Variants in FLVCR1 observed in about 807,000 individuals in gnomAD.
FLVCR1 encodes the protein FLVCR choline and heme transporter 1.
A neutral mutation model predicts 53.6 loss-of-function variants in FLVCR1; 34 were observed. The observed-to-expected ratio is 0.63, with a 90% CI of 0.48 to 0.84. The LOEUF (loss-of-function observed/expected upper bound fraction) is 0.84. Among genes scored for constraint, FLVCR1 ranks in the 40% least tolerant of loss-of-function variants. FLVCR1 has a pLI of 0.00. For missense variants in FLVCR1, 677 were observed against 696.7 expected, an observed-to-expected ratio of 0.97 and a Z score of 0.32; for synonymous variants, 300 against 286.3, an observed-to-expected ratio of 1.05 and a Z score of -0.48.
Position 212,858,452 on chromosome 1 carries a change from T to A in FLVCR1, c.-1T>A. 1.4e-6 allele frequency: 2 copies of A among 1,435,224 alleles called. No homozygotes were observed. The highest frequency in any genetic ancestry group is 2.5e-4 in the Middle Eastern group (1 of 3,958). The allele number at this position is 1,435,224 out of a possible 1,614,324, so 88.9% of individuals were successfully genotyped here. On this transcript the variant is annotated 5_prime_UTR_variant, in exon 1 of 10. Transcript: ENST00000366971. ...CGAGGTGGCGCCGGGGAGCCTGGGA[T>A]ATGGCGCGGCCAGACGATGAGGAGG...
chr1:212,879,432 G>C (rs1448889788), intron 3 of FLVCR1, among the ~76,000 whole-genome samples: 1 of 152,052 alleles, frequency 6.6e-6, no homozygotes, highest in Admixed American at 6.6e-5. Flanking sequence ...CTTGCTTGTG[G>C]GATACTCTGG....
intron 1 of FLVCR1, 143 bp from the exon 2 acceptor site, chr1:212,863,582 C>CA (rs3086478): frequency 0.075 from 44,744 of 595,226 alleles, 437 homozygotes; most frequent in Middle Eastern, 0.095. Flanking sequence ...GACTTTGTCT[C>CA]AAAAAAAAAA....
intron 5 of FLVCR1, among the ~76,000 whole-genome samples, chr1:212,886,201 C>A (rs1176710630): frequency 6.6e-6 from 1 of 151,638 alleles, no homozygotes; most frequent in African/African-American, 2.4e-5. Context: ...GCCACCACAC[C>A]CGGCTAATTT....
intron 8 of FLVCR1, 95 bp downstream of exon 8, chr1:212,889,352 A>G (rs1210872947): frequency 1.3e-6 from 1 of 789,202 alleles, no homozygotes; most frequent in South Asian, 1.4e-5. Context: ...TCAAGGGGAA[A>G]AAAATGAGAT....
chr1:212,887,012 A>G (rs935724254), intron 5 of FLVCR1, among the ~76,000 whole-genome samples: 1 of 152,166 alleles, frequency 6.6e-6, no homozygotes, highest in Non-Finnish European at 1.5e-5. Flanking sequence ...GAATGAAACT[A>G]TTAAGGAATA....
chr1:212,890,357 T>C (rs758943673), intron 8 of FLVCR1, among the ~76,000 whole-genome samples: 6 of 152,192 alleles, frequency 3.9e-5, no homozygotes, highest in Non-Finnish European at 7.4e-5. Context: ...ATGTAAATAC[T>C]TCCCAGGGGC....
At chr1:212,892,814 C>T (rs1200567719) in intron 8 of FLVCR1, among the ~76,000 whole-genome samples, 2 of 152,062 alleles carry the variant, frequency 1.3e-5, no homozygotes, top group Non-Finnish European at 2.9e-5. Flanking sequence ...ATGCACCATC[C>T]TAGATGCCAT....
chr1:212,884,168 G>A (rs536825926), intron 4 of FLVCR1, among the ~76,000 whole-genome samples: 5 of 152,172 alleles, frequency 3.3e-5, no homozygotes, highest in East Asian at 3.9e-4. Flanking sequence ...GCATGGTGGC[G>A]CATGCCTGTA....
At chr1:212,876,657 G>GC (rs1467876173) in intron 3 of FLVCR1, among the ~76,000 whole-genome samples, 1 of 152,108 alleles carries the variant, frequency 6.6e-6, no homozygotes, top group East Asian at 1.9e-4. Flanking sequence ...GAGCCACTGC[G>GC]CCCGGCCTGA....
rs1664082490 is a variant in FLVCR1, at chr1:212,858,311, G to C, written c.-142G>C. The C allele has an allele frequency of 1.2e-6, 1 of 860,384 alleles. No individual in the cohort carries two copies. Among genetic ancestry groups the C allele is most frequent in the African/African-American group, 1.8e-5 (1 of 56,918 alleles). 53.3% of individuals were successfully genotyped at this position (860,384 alleles called of 1,614,324 possible). A position where few individuals can be genotyped will look rare whatever the true frequency, so the allele number is the denominator to read the frequency against. On this transcript the variant is annotated 5_prime_UTR_variant, in exon 1 of 10. Coordinates refer to ENST00000366971, the MANE Select transcript of FLVCR1 (RefSeq NM_014053.4). ...TGTTCACGCGGTAGCGCGGATTGCG[G>C]TTCGCGGCGCGCGCCACCGGGGAAG...
At chr1:212,893,390 T>C (rs1665249912) in intron 8 of FLVCR1, among the ~76,000 whole-genome samples, 1 of 152,124 alleles carries the variant, frequency 6.6e-6, no homozygotes, top group South Asian at 2.1e-4. Context: ...GAAAGTGTTT[T>C]CTTGAGTTGG....
intron 3 of FLVCR1, among the ~76,000 whole-genome samples, chr1:212,874,631 C>A (rs1664704414): frequency 6.7e-6 from 1 of 148,474 alleles, no homozygotes; most frequent in South Asian, 2.1e-4. Context: ...CAGGTTCAAG[C>A]AATTCTCCTG....
At position 212,897,371 on chromosome 1, in the gene FLVCR1, A is replaced by ACACACACACACACACAC. The variant is rs1400672566; in HGVS notation, c.*2081_*2082insCACACACACACACACAC. The ACACACACACACACACAC allele has an allele frequency of 1.1e-5, 1 of 89,482 alleles. No homozygotes were observed. Among genetic ancestry groups the ACACACACACACACACAC allele is most frequent in the East Asian group, 3.2e-4 (1 of 3,158 alleles). 5.5% of individuals were successfully genotyped at this position (89,482 alleles called of 1,614,324 possible). A position where few individuals can be genotyped will look rare whatever the true frequency, so the allele number is the denominator to read the frequency against. On this transcript the variant is annotated 3_prime_UTR_variant, in exon 10 of 10. Transcript: ENST00000366971. Reference sequence around the variant, plus strand: ...ACATACACACACACACACACACACAAATTAGCCGGGCATGGTGGCACACGC... The same window carrying ACACACACACACACACAC: ...ACATACACACACACACACACACACAACACACACACACACACACATTAGCCGGGCATGGTGGCACACGC...
Position 212,894,976 on chromosome 1 carries a change from TC to T in FLVCR1, c.1526-9del. The T allele has an allele frequency of 6.9e-6, 11 of 1,589,342 alleles. No individual in the cohort carries two copies. Among genetic ancestry groups the T allele is most frequent in the Non-Finnish European group, 9.5e-6 (11 of 1,157,510 alleles). ...ACAGTTTATAGTAACTTGATGCCCC[TC>T]TGTTTCAGCATTAATCAAGTCTGAT... On this transcript the variant is annotated splice_polypyrimidine_tract_variant and intron_variant, in intron 8 of 9. Transcript: ENST00000366971.
Position 212,858,771 on chromosome 1 carries a change from CGCTTCGTGGT to C in FLVCR1, c.323_332del (p.Phe108SerfsTer2), listed in dbSNP as rs1303329815. On this transcript the variant is annotated frameshift_variant, in exon 1 of 10. Transcript: ENST00000366971. LOFTEE classifies it high-confidence loss of function. ...GCCCCTTACGGCGCTCTCCCCGCGG[CGCTTCGTGGT>C]GCTCCTGATCTTCAGCCTGTACTCG... The C allele has an allele frequency of 6.2e-7, 1 of 1,613,940 alleles. No homozygotes were observed. The highest frequency in any genetic ancestry group is 2.2e-5 in the East Asian group (1 of 44,890).
At chr1:212,862,572 A>G (rs989546912) in intron 1 of FLVCR1, among the ~76,000 whole-genome samples, 1 of 152,148 alleles carries the variant, frequency 6.6e-6, no homozygotes, top group African/African-American at 2.4e-5. Flanking sequence ...TTATCCATTT[A>G]TCTGTTGATA....
chr1:212,861,192 T>C (rs1435416879), intron 1 of FLVCR1, among the ~76,000 whole-genome samples: 1 of 152,212 alleles, frequency 6.6e-6, no homozygotes. Flanking sequence ...CACAGACATA[T>C]GCTTTCTCTG....
chr1:212,864,875 T>C (rs1664360167), intron 2 of FLVCR1, among the ~76,000 whole-genome samples: 1 of 152,232 alleles, frequency 6.6e-6, no homozygotes, highest in South Asian at 2.1e-4. Flanking sequence ...CCTTGGTAGA[T>C]GAACTGCAGG....
At chr1:212,876,435 G>A (rs961243703) in intron 3 of FLVCR1, among the ~76,000 whole-genome samples, 1 of 150,220 alleles carries the variant, frequency 6.7e-6, no homozygotes, top group Non-Finnish European at 1.5e-5. Flanking sequence ...ACACAATCTC[G>A]GCTCACTGCA....
Sources: allele counts gnomAD v4.1 joint callset (sites outside exome capture counted in the v4.1 genomes callset), GRCh38; gene constraint gnomAD v4.1.1; transcripts MANE v1.5; gene names NCBI Gene and HGNC (gene_info 2026-07-23, HGNC 2026-07-21).